Variants in PCDHAC1 observed in about 807,000 individuals in gnomAD.
PCDHAC1 encodes the protein protocadherin alpha-C1.
PCDHAC1 carries 42 observed loss-of-function variants against 60.0 expected under a neutral mutation model. That is an observed-to-expected ratio of 0.70 (90% CI 0.55 to 0.90). The LOEUF is 0.90. PCDHAC1 is among the 40% of genes least tolerant of loss of function. PCDHAC1 has a pLI of 0.00. For synonymous variants in PCDHAC1, 468 were observed against 499.3 expected (o/e 0.94, Z 0.84); for missense variants, 1,160 against 1,222.3 (o/e 0.95, Z 0.76).
chr5:140,941,202 C>CTTT (rs1554213921), intron 1 of PCDHAC1, among the ~76,000 whole-genome samples: 9,869 of 122,696 alleles, frequency 0.08, 560 homozygotes, highest in East Asian at 0.13. Flanking sequence ...TTTCTTTCTT[C>CTTT]CTTTCTTTCT....
At chr5:140,956,190 T>A (rs1441772845) in intron 1 of PCDHAC1, among the ~76,000 whole-genome samples, 1 of 152,208 alleles carries the variant, frequency 6.6e-6, no homozygotes, top group Non-Finnish European at 1.5e-5. Flanking sequence ...CTATGCTGAA[T>A]AGGAGTGGTG....
intron 1 of PCDHAC1, chr5:140,968,651 GA>G: frequency 6.2e-7 from 1 of 1,614,154 alleles, no homozygotes; most frequent in Non-Finnish European, 8.5e-7. Flanking sequence ...CCAGACTTCT[GA>G]CCTGGACCTC....
At chr5:140,946,574 G>C (rs246054) in intron 1 of PCDHAC1, among the ~76,000 whole-genome samples, 17 of 145,538 alleles carry the variant, frequency 1.2e-4, no homozygotes, top group African/African-American at 4.5e-4. Flanking sequence ...AATCAACTTA[G>C]GTGTTCATAG....
Position 141,010,515 on chromosome 5 carries a change from CAA to C in PCDHAC1, c.*579_*580del, listed in dbSNP as rs1554262971. ...ACCAGACTTTCTAAATCTTACAACTCAAGAGGTGGCAGCCACCCTCTAGGAGA... is the reference window on the plus strand; with the variant it reads ...ACCAGACTTTCTAAATCTTACAACTCGAGGTGGCAGCCACCCTCTAGGAGA... On this transcript the variant is annotated 3_prime_UTR_variant, in exon 4 of 4. Transcript: ENST00000253807. 4.1e-6 allele frequency: 2 copies of C among 483,800 alleles called. No individual in the cohort carries two copies. Among genetic ancestry groups the C allele is most frequent in the African/African-American group, 2.0e-5 (1 of 51,026 alleles). 30.0% of individuals were successfully genotyped at this position (483,800 alleles called of 1,614,324 possible).
At chr5:140,958,290 T>C (rs1554223401) in intron 1 of PCDHAC1, among the ~76,000 whole-genome samples, 1 of 152,154 alleles carries the variant, frequency 6.6e-6, no homozygotes, top group Non-Finnish European at 1.5e-5. Context: ...TTAAATATTA[T>C]TGAACTTAAT....
chr5:140,970,222 C>T (rs1270140969), intron 1 of PCDHAC1, among the ~76,000 whole-genome samples: 2 of 152,134 alleles, frequency 1.3e-5, no homozygotes, highest in Non-Finnish European at 2.9e-5. Context: ...TAAATGCAGC[C>T]TGTAATCTTC....
Position 140,927,218 on chromosome 5 carries a change from A to T in PCDHAC1, c.326A>T (p.Lys109Met). 6.2e-7 allele frequency: 1 copy of T among 1,614,090 alleles called. No homozygotes were observed. Among genetic ancestry groups the T allele is most frequent in the Non-Finnish European group, 8.5e-7 (1 of 1,180,012 alleles). ...CTCGAGGACCCGCTGGAGCTGCACA[A>T]GATTCGGATTCACGTCCTGGACACC... ...LVLEDPLELH[K>M]IRIHVLDTND... Residue 109 changes from lysine (K) to methionine (M), a missense_variant, in exon 1 of 4, where the codon AAG becomes ATG. Around this residue, in one of 3 missense-constraint regions of PCDHAC1, gnomAD observed 1,113 missense variants for 1,163.7 expected, o/e 0.96. Transcript: ENST00000253807.
Position 140,928,711 on chromosome 5 carries a change from A to C in PCDHAC1, c.1819A>C (p.Ser607Arg). Residue 607 changes from serine to arginine, a missense_variant, in exon 1 of 4, where the codon AGT becomes CGT. By Grantham distance (110) the Ser-to-Arg change is moderately radical. Coordinates refer to ENST00000253807, the MANE Select transcript of PCDHAC1 (RefSeq NM_018898.5). ...CCACATCTCCCGGGCGTCTGACTCT[A>C]GTCTCTTTAGAATTTCAGCCAATAT... ...SYHISRASDS[S>R]LFRISANIGE... 1 of 1,614,098 alleles carries C rather than the reference A, an allele frequency of 6.2e-7. No individual in the cohort carries two copies. Among genetic ancestry groups the C allele is most frequent in the South Asian group, 1.1e-5 (1 of 91,072 alleles).
chr5:140,937,229 G>A (rs2091424119), intron 1 of PCDHAC1, among the ~76,000 whole-genome samples: 1 of 151,784 alleles, frequency 6.6e-6, no homozygotes, highest in Non-Finnish European at 1.5e-5. Flanking sequence ...TGTAGAGACG[G>A]GGTTTCACCG....
Position 140,967,000 on chromosome 5 carries a change from C to T in PCDHAC1, c.2434-11949C>T, listed in dbSNP as rs544624379. The T allele has an allele frequency of 6.1e-5, 98 of 1,604,962 alleles. No individual in the cohort carries two copies. The East Asian group carries it at 2.1e-3, about 35-fold the overall frequency. ...GGCGCTTGGGGCCGGGTTGCTTGCG[C>T]ATCAACCATCTGGGTGCGCCCAGTC... On this transcript the variant is annotated intron_variant, in intron 1 of 3. Coordinates refer to ENST00000253807, the MANE Select transcript of PCDHAC1 (RefSeq NM_018898.5).
In PCDHAC1 at chr5:140,928,986, C is replaced by G. The variant is rs2085702741; in HGVS notation, c.2094C>G (p.Cys698Trp). The G allele has an allele frequency of 6.2e-7, 1 of 1,613,874 alleles. No individual in the cohort carries two copies. Among genetic ancestry groups the G allele is most frequent in the East Asian group, 2.2e-5 (1 of 44,874 alleles). ...LACISFLFLG[C>W]LLFFVCTKLH... ...GTATTTCCTTTTTATTTCTGGGGTG[C>G]TTACTTTTCTTCGTGTGTACCAAGT... The change falls in exon 1 of 4, where the codon TGC (cysteine) becomes TGG (tryptophan). Residue 698 changes from cysteine (C) to tryptophan (W), a missense_variant. Physicochemically the swap from Cys to Trp is radical, Grantham distance 215. Coordinates refer to ENST00000253807, the MANE Select transcript of PCDHAC1 (RefSeq NM_018898.5).
At chr5:140,995,025 C>A (rs1304675289) in intron 3 of PCDHAC1, among the ~76,000 whole-genome samples, 1 of 152,146 alleles carries the variant, frequency 6.6e-6, no homozygotes, top group Non-Finnish European at 1.5e-5. Context: ...AAAGAAGATT[C>A]TTTTAAGTTT....
rs113635864 is a variant in PCDHAC1 at position 140,947,396 on chromosome 5, A to T, written c.2433+18071A>T. On this transcript the variant is annotated intron_variant, in intron 1 of 3. Coordinates refer to ENST00000253807, the MANE Select transcript of PCDHAC1 (RefSeq NM_018898.5). ...ATATGTTTATCCTTTCACTAAAAGT[A>T]GACTGTCTTGATATTGTAGCTTTAT... Among the ~76,000 whole-genome samples the T allele has an allele frequency of 7.1e-3, 1,081 of 151,828 alleles. 11 individuals are homozygous for T. The highest frequency in any genetic ancestry group is 0.025 in the African/African-American group (1,045 of 41,538).
intron 3 of PCDHAC1, among the ~76,000 whole-genome samples, chr5:140,994,339 A>T (rs1279466681): frequency 6.6e-6 from 1 of 152,146 alleles, no homozygotes; most frequent in Non-Finnish European, 1.5e-5. Context: ...TGAACAGTGG[A>T]TGTTGTGGGA....
At chr5:140,966,395 T>A in intron 1 of PCDHAC1, 1 of 404,602 alleles carries the variant, frequency 2.5e-6, no homozygotes, top group Non-Finnish European at 4.3e-6. Flanking sequence ...GTCCGCCACT[T>A]CGGCGCGGAA....
intron 3 of PCDHAC1, among the ~76,000 whole-genome samples, chr5:140,989,801 G>A (rs1554251107): frequency 1.3e-5 from 2 of 152,184 alleles, no homozygotes; most frequent in Non-Finnish European, 1.5e-5. Context: ...CCCAGGAAAG[G>A]GCCATAAGAT....
intron 3 of PCDHAC1, among the ~76,000 whole-genome samples, chr5:140,994,912 A>G (rs2097655532): frequency 6.6e-6 from 1 of 152,222 alleles, no homozygotes; most frequent in Admixed American, 6.5e-5. Flanking sequence ...GTAGACTGGA[A>G]TCAGATTTTG....
chr5:140,927,972 T>C lies in PCDHAC1; in HGVS notation c.1080T>C (p.Ala360=). Residue 360 remains alanine, a synonymous_variant, in exon 1 of 4, where the codon GCT becomes GCC. Coordinates refer to ENST00000253807, the MANE Select transcript of PCDHAC1 (RefSeq NM_018898.5). The part of the protein sequence containing the change: ...PEDAAPGTVI[A]LFSVKDEDLD... ...ACGCTGCCCCTGGCACAGTGATTGC[T>C]CTCTTTAGTGTAAAGGATGAAGACC... 6.2e-7 allele frequency: 1 copy of C among 1,614,190 alleles called. No homozygotes were observed. The highest frequency in any genetic ancestry group is 8.5e-7 in the Non-Finnish European group (1 of 1,180,034).
intron 3 of PCDHAC1, among the ~76,000 whole-genome samples, chr5:140,984,822 AC>A (rs1398539032): frequency 6.6e-6 from 1 of 152,126 alleles, no homozygotes; most frequent in Non-Finnish European, 1.5e-5. Flanking sequence ...TTTCTTAATT[AC>A]CCTTTCTGTA....
Sources: gnomAD v4.1 joint callset for allele counts (sites outside exome capture counted in the v4.1 genomes callset) on GRCh38, gnomAD v4.1.1 for gene constraint, gnomAD v4.1.1 regional missense constraint, MANE v1.5 for transcripts, NCBI Gene and HGNC (gene_info 2026-07-23, HGNC 2026-07-21) for gene names.